CDH18: variants seen among roughly 807,000 people sequenced by gnomAD.
CDH18 encodes the protein cadherin 18.
A neutral mutation model predicts 67.9 loss-of-function variants in CDH18; 31 were observed. The observed-to-expected ratio is 0.46, with a 90% CI of 0.34 to 0.62. CDH18 has a LOEUF of 0.62. Among genes scored for constraint, CDH18 ranks in the 20% least tolerant of loss-of-function variants. The pLI is 0.01. For missense variants in CDH18, 890 were observed against 975.5 expected (o/e 0.91, Z 1.17); for synonymous variants, 362 against 347.2 (o/e 1.04, Z -0.48).
chr5:19,735,132 T>C (rs1039223489), intron 4 of CDH18, among the ~76,000 whole-genome samples: 27 of 152,176 alleles, frequency 1.8e-4, no homozygotes, highest in African/African-American at 6.5e-4. Flanking sequence ...CACTACATTA[T>C]ATAAATGTAT....
intron 1 of CDH18, among the ~76,000 whole-genome samples, chr5:20,324,858 C>A (rs1313454613): frequency 6.6e-6 from 1 of 152,176 alleles, no homozygotes; most frequent in Non-Finnish European, 1.5e-5. Context: ...CATTACTTTT[C>A]TATGTGTATG....
intron 1 of CDH18, among the ~76,000 whole-genome samples, chr5:20,531,820 C>T (rs1233870798): frequency 3.3e-5 from 5 of 151,772 alleles, no homozygotes; most frequent in African/African-American, 9.7e-5. Context: ...GGTAGATAGC[C>T]GCAGCAAACC....
chr5:20,022,007 G>T (rs891989177), intron 2 of CDH18, among the ~76,000 whole-genome samples: 2 of 152,126 alleles, frequency 1.3e-5, no homozygotes, highest in Non-Finnish European at 2.9e-5. Flanking sequence ...CAACGCAATT[G>T]ACTTTTGTAG....
rs539683937 is a variant in CDH18 at position 19,948,176 on chromosome 5, C to T, written c.-257+32884G>A. Among the ~76,000 whole-genome samples, 7 of 152,192 alleles carry T rather than the reference C, an allele frequency of 4.6e-5. No individual in the cohort carries two copies. The South Asian group carries it at 1.2e-3, about 27-fold the overall frequency. On this transcript the variant is annotated intron_variant, in intron 2 of 12. Transcript: ENST00000382275. ...ATGTGTTACTGGTACAAATGTAAAA[C>T]AAGACATCCACTCCTTAAATTAATC...
At chr5:19,569,762 G>A (rs969382378) in intron 8 of CDH18, among the ~76,000 whole-genome samples, 6 of 152,026 alleles carry the variant, frequency 3.9e-5, no homozygotes, top group African/African-American at 1.4e-4. Context: ...AAAACAGCTA[G>A]AAGATAATGA....
intron 2 of CDH18, among the ~76,000 whole-genome samples, chr5:19,839,797 G>A (rs1372228775): frequency 1.3e-5 from 2 of 152,150 alleles, no homozygotes; most frequent in South Asian, 2.1e-4. Flanking sequence ...TATCTACCCC[G>A]GGTATGAACT....
chr5:19,612,627 A>G, intron 5 of CDH18, 26 bp from the exon 6 acceptor site: 2 of 1,528,584 alleles, frequency 1.3e-6, no homozygotes, highest in Non-Finnish European at 1.8e-6. Flanking sequence ...TTTAATAAAC[A>G]GTATGAGCTA....
chr5:20,402,840 G>A lies in CDH18; in HGVS notation c.-579-147335C>T, dbSNP rs912842781. ...GGAGAATTGCTTGAACCCGTGAGGC[G>A]GAGGTTGCAGTGAGCTGAGATTGCA... On this transcript the variant is annotated intron_variant, in intron 1 of 14. Coordinates refer to the CDH18 transcript ENST00000507958. Among the ~76,000 whole-genome samples the A allele has an allele frequency of 5.3e-5, 8 of 150,772 alleles. No individual in the cohort carries two copies. The East Asian group carries it at 7.9e-4, about 15-fold the overall frequency.
intron 3 of CDH18, among the ~76,000 whole-genome samples, chr5:19,822,391 G>A (rs887211664): frequency 2.0e-5 from 3 of 152,100 alleles, no homozygotes; most frequent in African/African-American, 7.2e-5. Flanking sequence ...ATCATAAAAG[G>A]TTCAATTCTA....
At chr5:19,843,026 A>G (rs1174696016) in intron 2 of CDH18, among the ~76,000 whole-genome samples, 1 of 152,162 alleles carries the variant, frequency 6.6e-6, no homozygotes, top group Non-Finnish European at 1.5e-5. Context: ...AGTTTGGAAA[A>G]TTTTCAGCCT....
intron 5 of CDH18, among the ~76,000 whole-genome samples, chr5:19,684,725 A>G (rs1197564983): frequency 6.6e-6 from 1 of 152,046 alleles, no homozygotes; most frequent in African/African-American, 2.4e-5. Flanking sequence ...TAAAAAGTGA[A>G]TGAAAGAGAG....
intron 5 of CDH18, among the ~76,000 whole-genome samples, chr5:19,637,405 C>T (rs1753321360): frequency 6.6e-6 from 1 of 151,692 alleles, no homozygotes; most frequent in African/African-American, 2.4e-5. Flanking sequence ...TTTCCTTGTT[C>T]TGGTCCCTAC....
intron 5 of CDH18, among the ~76,000 whole-genome samples, chr5:19,704,409 A>G (rs11959242): frequency 0.35 from 53,001 of 151,930 alleles, 9,663 homozygotes; most frequent in African/African-American, 0.47. Flanking sequence ...GTACCTATAA[A>G]TTTATGGGGA....
At chr5:20,460,884 G>C (rs1367850280) in intron 1 of CDH18, among the ~76,000 whole-genome samples, 2 of 151,986 alleles carry the variant, frequency 1.3e-5, no homozygotes, top group African/African-American at 4.8e-5. Context: ...CTTTCTTTTT[G>C]TCGCCATGAG....
At chr5:19,647,888 T>C (rs765561198) in intron 5 of CDH18, among the ~76,000 whole-genome samples, 16 of 152,062 alleles carry the variant, frequency 1.1e-4, no homozygotes, top group Non-Finnish European at 1.6e-4. Flanking sequence ...AGAAAATCAA[T>C]AGAGAAACAA....
chr5:19,739,629 T>C (rs966981620), intron 4 of CDH18, among the ~76,000 whole-genome samples: 2 of 152,210 alleles, frequency 1.3e-5, no homozygotes, highest in Non-Finnish European at 2.9e-5. Context: ...AGAATAGTTA[T>C]GCAAATAAAG....
rs144370426 is a variant in CDH18, at chr5:19,635,685, T to G, written c.644-23084A>C. The stretch of plus-strand genomic sequence containing the variant: ...TAGAATGCAGACTATATGTTATTTC[T>G]CTACATATCATCTATCTACCTACTC... On this transcript the variant is annotated intron_variant, in intron 5 of 12. Transcript: ENST00000382275. 2.3e-4 allele frequency among the ~76,000 whole-genome samples: 35 copies of G among 152,314 alleles called. No homozygotes were observed. In the East Asian group the frequency reaches 6.6e-3, roughly 29 times the overall value.
chr5:19,877,575 T>G (rs1181013705), intron 2 of CDH18, among the ~76,000 whole-genome samples: 2 of 152,176 alleles, frequency 1.3e-5, no homozygotes, highest in African/African-American at 2.4e-5. Flanking sequence ...TATTGACTTA[T>G]TCAAAGCTGG....
chr5:19,645,027 TAAG>T (rs1232289722), intron 5 of CDH18, among the ~76,000 whole-genome samples: 1 of 152,132 alleles, frequency 6.6e-6, no homozygotes, highest in Non-Finnish European at 1.5e-5. Flanking sequence ...CTCTGCAAAA[TAAG>T]AGAATAGCAA....
Sources: gnomAD v4.1 joint callset for allele counts (sites outside exome capture counted in the v4.1 genomes callset) on GRCh38, gnomAD v4.1.1 for gene constraint, MANE v1.5 for transcripts, NCBI Gene and HGNC (gene_info 2026-07-23, HGNC 2026-07-21) for gene names.